FGD6: variants seen among roughly 807,000 people sequenced by gnomAD.
FGD6 encodes FYVE, RhoGEF and PH domain containing 6.
In FGD6, 90 loss-of-function variants were observed where a neutral mutation model predicts 149.4. The ratio of observed to expected loss-of-function variants is 0.60; its 90% CI spans 0.51 to 0.72. FGD6 has a LOEUF of 0.72. Ranked by LOEUF, FGD6 falls within the 30% of genes least tolerant of loss-of-function variation. FGD6 has a pLI of 0.00. For missense variants in FGD6, 1,437 were observed against 1,684.8 expected, an observed-to-expected ratio of 0.85 and a Z score of 2.57; for synonymous variants, 527 against 584.0, an observed-to-expected ratio of 0.90 and a Z score of 1.41.
chr12:95,130,926 C>T (rs980780771), intron 8 of FGD6, among the ~76,000 whole-genome samples: 1 of 152,074 alleles, frequency 6.6e-6, no homozygotes, highest in Non-Finnish European at 1.5e-5. Flanking sequence ...TAGTATTGAC[C>T]TGCAAGGTTA....
intron 5 of FGD6, among the ~76,000 whole-genome samples, chr12:95,145,731 G>A (rs1262895804): frequency 6.6e-6 from 1 of 152,090 alleles, no homozygotes; most frequent in African/African-American, 2.4e-5. Flanking sequence ...AGGCTGGAGT[G>A]TGGTACGATC....
intron 2 of FGD6, among the ~76,000 whole-genome samples, chr12:95,186,794 T>C (rs1476125404): frequency 6.6e-6 from 1 of 152,194 alleles, no homozygotes; most frequent in Non-Finnish European, 1.5e-5. Flanking sequence ...GGGGCAAAAC[T>C]GCCTGTGTTC....
chr12:95,081,626 C>T (rs1346862999), intron 20 of FGD6, 70 bp from the exon 21 acceptor site: 10 of 1,009,398 alleles, frequency 9.9e-6, no homozygotes, highest in Non-Finnish European at 1.5e-5. Context: ...ATATAGATGA[C>T]AGCTGGGCCT....
intron 2 of FGD6, among the ~76,000 whole-genome samples, chr12:95,178,262 A>C (rs1191918628): frequency 6.6e-6 from 1 of 152,148 alleles, no homozygotes; most frequent in Non-Finnish European, 1.5e-5. Flanking sequence ...TCACGTATGC[A>C]CATCATGTTT....
chr12:95,135,191 GA>G (rs1263013402), intron 7 of FGD6, among the ~76,000 whole-genome samples: 4 of 152,154 alleles, frequency 2.6e-5, no homozygotes, highest in Non-Finnish European at 5.9e-5. Context: ...AATGGACCAA[GA>G]AGGAAATGCA....
At chr12:95,166,432 G>C (rs1880820356) in intron 3 of FGD6, among the ~76,000 whole-genome samples, 2 of 152,298 alleles carry the variant, frequency 1.3e-5, no homozygotes, top group South Asian at 4.1e-4. Context: ...ATTCAGGCCA[G>C]GTGCAGTGGC....
chr12:95,200,978 G>T (rs986909470), intron 2 of FGD6, among the ~76,000 whole-genome samples: 5 of 149,860 alleles, frequency 3.3e-5, no homozygotes, highest in African/African-American at 9.8e-5. Flanking sequence ...ATAGTTTCAA[G>T]AAAGTATTAA....
In FGD6 at chr12:95,210,808, C is replaced by T; in HGVS notation, c.476G>A (p.Cys159Tyr). ...ETLTIKTRSK[C>Y]DLYGEKAKNQ... Reference sequence around the variant, plus strand: ...CTTGGCTTTTTCACCATACAAATCACATTTACTCCTAGTTTTTATAGTCAA... The same window carrying T: ...CTTGGCTTTTTCACCATACAAATCATATTTACTCCTAGTTTTTATAGTCAA... Residue 159 changes from cysteine to tyrosine, a missense_variant, in exon 2 of 21, where the codon TGT becomes TAT. By Grantham distance (194) the Cys-to-Tyr change is radical. Transcript: ENST00000343958. 2 of 1,613,874 alleles carry T rather than the reference C, an allele frequency of 1.2e-6. No homozygotes were observed. Among genetic ancestry groups the T allele is most frequent in the Non-Finnish European group, 1.7e-6 (2 of 1,179,958 alleles).
intron 19 of FGD6, chr12:95,085,478 AC>A (rs1488366310): frequency 5.6e-6 from 2 of 354,412 alleles, no homozygotes; most frequent in East Asian, 9.8e-5. Context: ...TGCTGGGATT[AC>A]AGGTGTGAGC....
intron 2 of FGD6, among the ~76,000 whole-genome samples, chr12:95,188,552 A>C (rs982298947): frequency 6.6e-6 from 1 of 152,120 alleles, no homozygotes; most frequent in Admixed American, 6.6e-5. Context: ...CTTATTCTAA[A>C]ACTTTCCATG....
intron 2 of FGD6, among the ~76,000 whole-genome samples, chr12:95,196,073 A>G (rs1466125349): frequency 1.3e-5 from 2 of 152,116 alleles, no homozygotes; most frequent in East Asian, 3.9e-4. Flanking sequence ...CGAGCTTGAG[A>G]TCACGCTGCT....
At chr12:95,144,662 G>A (rs528410316) in intron 5 of FGD6, among the ~76,000 whole-genome samples, 2 of 151,258 alleles carry the variant, frequency 1.3e-5, no homozygotes, top group East Asian at 3.9e-4. Flanking sequence ...AAAGTGCTGG[G>A]ATTATAGGCA....
chr12:95,169,060 C>T (rs1880912171), intron 3 of FGD6, among the ~76,000 whole-genome samples: 1 of 152,202 alleles, frequency 6.6e-6, no homozygotes, highest in Admixed American at 6.5e-5. Flanking sequence ...AATTCATTAG[C>T]GTGGCTGAGA....
chr12:95,180,407 G>C (rs1266483561), intron 2 of FGD6, among the ~76,000 whole-genome samples: 1 of 135,314 alleles, frequency 7.4e-6, no homozygotes, highest in Non-Finnish European at 1.5e-5. Flanking sequence ...ACAGGGGCTT[G>C]CTCTGTCACC....
Position 95,209,313 on chromosome 12 carries a change from G to A in FGD6, c.1971C>T (p.Thr657=), listed in dbSNP as rs1421261293. 1 of 1,613,698 alleles carries A rather than the reference G, an allele frequency of 6.2e-7. No homozygotes were observed. Among genetic ancestry groups the A allele is most frequent in the Admixed American group, 1.7e-5 (1 of 59,948 alleles). The change falls in exon 2 of 21, where the codon ACC becomes ACT. Residue 657 remains threonine, a synonymous_variant. Transcript: ENST00000343958. ...CCCCACTGGAGAGGTGGCCTGTGGT[G>A]GTGTCTCCGAGTTGGCTACTCTTGG... ...FWSKSSQLGD[T]TTGHLSSGEQ...
In FGD6 at chr12:95,078,183, A is replaced by G. The variant is rs993688201; in HGVS notation, c.*3337T>C. On this transcript the variant is annotated 3_prime_UTR_variant, in exon 21 of 21. Transcript: ENST00000343958. Reference sequence around the variant, plus strand: ...AGCGAGACCCGGTCTCTTAAAAACTAAAAAGACCTAGGGCAGTATTATGGA... The same window carrying G: ...AGCGAGACCCGGTCTCTTAAAAACTGAAAAGACCTAGGGCAGTATTATGGA... 1.3e-5 allele frequency: 2 copies of G among 152,206 alleles called. No homozygotes were observed. The highest frequency in any genetic ancestry group is 4.8e-5 in the African/African-American group (2 of 41,440). The allele number at this position is 152,206 out of a possible 1,614,324, so 9.4% of individuals were successfully genotyped here.
At chr12:95,204,507 A>G (rs767136537) in intron 2 of FGD6, among the ~76,000 whole-genome samples, 19 of 152,038 alleles carry the variant, frequency 1.2e-4, no homozygotes, top group Admixed American at 9.8e-4. Flanking sequence ...CTTCCCCCTT[A>G]TCACTCCTGA....
At chr12:95,186,336 C>T (rs145324478) in intron 2 of FGD6, among the ~76,000 whole-genome samples, 1,815 of 128,192 alleles carry the variant, frequency 0.014, 17 homozygotes, top group Non-Finnish European at 0.021. Context: ...GCAACCTCTG[C>T]CTCCTGGGTT....
intron 18 of FGD6, among the ~76,000 whole-genome samples, chr12:95,086,320 C>G (rs1289453917): frequency 1.3e-5 from 2 of 151,980 alleles, no homozygotes; most frequent in East Asian, 3.9e-4. Context: ...ACCTTTAATT[C>G]TGTTCCTAAA....
Sources: gnomAD v4.1 joint callset for allele counts (sites outside exome capture counted in the v4.1 genomes callset) on GRCh38, gnomAD v4.1.1 for gene constraint, MANE v1.5 for transcripts, NCBI Gene and HGNC (gene_info 2026-07-23, HGNC 2026-07-21) for gene names.